Variants in PRSS3 observed in about 807,000 individuals in gnomAD.
PRSS3 encodes trypsin-3.
Under a neutral mutation model 20.8 loss-of-function variants are expected in PRSS3, and 14 were observed. That is an observed-to-expected ratio of 0.67 (90% CI 0.44 to 1.05). The LOEUF (loss-of-function observed/expected upper bound fraction) is 1.05, where lower values mean the gene tolerates loss of function less well. Among genes scored for constraint, PRSS3 ranks in the 50% least tolerant of loss-of-function variants. The pLI is 0.00. For synonymous variants in PRSS3, 91 were observed against 117.6 expected (o/e 0.77, Z 1.46); for missense variants, 237 against 306.4 (o/e 0.77, Z 1.69).
intron 4 of PRSS3, 107 bp downstream of exon 4, chr9:33,798,729 G>A (rs1825166546): frequency 2.0e-6 from 3 of 1,530,784 alleles, no homozygotes; most frequent in Non-Finnish European, 2.7e-6. Flanking sequence ...TCCCTGCAGT[G>A]CTCCCATGGA....
chr9:33,752,196 G>A (rs761105103), intron 1 of PRSS3, among the ~76,000 whole-genome samples: 9 of 152,094 alleles, frequency 5.9e-5, no homozygotes, highest in African/African-American at 9.7e-5. Context: ...AGTTCCTCCC[G>A]CACCCTTCTG....
intron 4 of PRSS3, 136 bp from the exon 5 acceptor site, chr9:33,798,892 C>G: frequency 8.0e-7 from 1 of 1,251,042 alleles, no homozygotes; most frequent in South Asian, 1.4e-5. Context: ...TTAGGAAGAA[C>G]AGAGAATGGG....
chr9:33,760,875 G>T (rs1823168582), intron 1 of PRSS3, among the ~76,000 whole-genome samples: 1 of 150,210 alleles, frequency 6.7e-6, no homozygotes, highest in South Asian at 2.1e-4. Context: ...GTTCTTGTTA[G>T]ATAGTGAGAA....
chr9:33,795,501 A>G, upstream of PRSS3: 1 of 1,595,988 alleles, frequency 6.3e-7, no homozygotes, highest in Admixed American at 1.7e-5. Context: ...CACCTCACAG[A>G]CACCTCCTCT....
chr9:33,789,045 T>TA (rs1342698513), intron 1 of PRSS3, among the ~76,000 whole-genome samples: 8 of 152,228 alleles, frequency 5.3e-5, no homozygotes, highest in African/African-American at 1.7e-4. Flanking sequence ...GAAAGCATCT[T>TA]ACTCCTTGTG....
chr9:33,791,948 A>G (rs537736985), upstream of PRSS3, among the ~76,000 whole-genome samples: 30 of 152,064 alleles, frequency 2.0e-4, no homozygotes, highest in South Asian at 5.8e-3. Context: ...GGCAGGCAAG[A>G]GGAGGGGCAG....
At chr9:33,766,004 A>C (rs1445516541) in intron 1 of PRSS3, among the ~76,000 whole-genome samples, 3 of 151,912 alleles carry the variant, frequency 2.0e-5, no homozygotes, top group Admixed American at 2.0e-4. Flanking sequence ...GTGGTGGCCC[A>C]CACCTGTAAT....
At chr9:33,765,993 C>T (rs573219160) in intron 1 of PRSS3, among the ~76,000 whole-genome samples, 3 of 152,260 alleles carry the variant, frequency 2.0e-5, no homozygotes, top group African/African-American at 4.8e-5. Context: ...AGTAGCCGGG[C>T]GTGGTGGCCC....
Position 33,797,877 on chromosome 9 carries a change from G to A in PRSS3, c.249G>A (p.Gly83=). The A allele has an allele frequency of 6.2e-7, 1 of 1,614,248 alleles. No homozygotes were observed. The highest frequency in any genetic ancestry group is 8.5e-7 in the Non-Finnish European group (1 of 1,180,050). ...LGEHNIKVLE[G]NEQFINAAKI... Reference sequence around the variant, plus strand: ...AGCACAACATCAAAGTCCTGGAGGGGAATGAGCAGTTCATCAATGCGGCCA... The same window carrying A: ...AGCACAACATCAAAGTCCTGGAGGGAAATGAGCAGTTCATCAATGCGGCCA... Residue 83 remains glycine, a synonymous_variant, in exon 3 of 5, where the codon GGG becomes GGA. Coordinates refer to ENST00000379405, the MANE Select transcript of PRSS3 (RefSeq NM_002771.4).
At chr9:33,753,662 C>T (rs1822797265) in intron 1 of PRSS3, among the ~76,000 whole-genome samples, 1 of 152,226 alleles carries the variant, frequency 6.6e-6, no homozygotes, top group African/African-American at 2.4e-5. Context: ...GGTTCCATGA[C>T]AAACAGAGCT....
intron 1 of PRSS3, among the ~76,000 whole-genome samples, chr9:33,759,328 GGAA>G (rs1823078634): frequency 1.3e-5 from 2 of 152,116 alleles, no homozygotes; most frequent in Admixed American, 1.3e-4. Context: ...GCTGCGGGGT[GGAA>G]GAAGAATTCA....
chr9:33,780,899 C>A (rs1457728274), intron 1 of PRSS3, among the ~76,000 whole-genome samples: 2 of 152,110 alleles, frequency 1.3e-5, no homozygotes, highest in Non-Finnish European at 2.9e-5. Flanking sequence ...TTCTTCTTGG[C>A]CTATGAAAAG....
At chr9:33,778,412 AC>A (rs1215743210) in intron 1 of PRSS3, among the ~76,000 whole-genome samples, 1 of 152,128 alleles carries the variant, frequency 6.6e-6, no homozygotes, top group Admixed American at 6.5e-5. Context: ...GATAAGGAAA[AC>A]CTTTTTCAGA....
At chr9:33,794,173 C>T (rs569449412), upstream of PRSS3, among the ~76,000 whole-genome samples, 12 of 152,146 alleles carry the variant, frequency 7.9e-5, no homozygotes, top group African/African-American at 1.4e-4. Context: ...TGGCCATGTC[C>T]GATCTCAACA....
At chr9:33,786,722 G>T in intron 1 of PRSS3, 1 of 766,212 alleles carries the variant, frequency 1.3e-6, no homozygotes. Context: ...GAGCAGATTT[G>T]TCATTGACAA....
At chr9:33,753,554 C>T (rs1488977270) in intron 1 of PRSS3, among the ~76,000 whole-genome samples, 1 of 152,196 alleles carries the variant, frequency 6.6e-6, no homozygotes, top group Admixed American at 6.5e-5. Flanking sequence ...AACATAACCT[C>T]CCTGAATCCC....
chr9:33,763,790 T>C (rs1347587438), intron 1 of PRSS3, among the ~76,000 whole-genome samples: 1 of 152,018 alleles, frequency 6.6e-6, no homozygotes, highest in Non-Finnish European at 1.5e-5. Context: ...GACGATTGGC[T>C]GCAACTGCCT....
At chr9:33,786,009 A>C (rs1279353878) in intron 1 of PRSS3, 2 of 230,372 alleles carry the variant, frequency 8.7e-6, no homozygotes, top group Non-Finnish European at 1.7e-5. Flanking sequence ...TGGCCGGTGC[A>C]TGCTGCAAGG....
chr9:33,782,292 T>G (rs571288599), intron 1 of PRSS3, among the ~76,000 whole-genome samples: 1 of 152,192 alleles, frequency 6.6e-6, no homozygotes, highest in Non-Finnish European at 1.5e-5. Flanking sequence ...GGCTTTAGAC[T>G]CTTGCTTACA....
Sources: gnomAD v4.1 joint callset for allele counts (sites outside exome capture counted in the v4.1 genomes callset) on GRCh38, gnomAD v4.1.1 for gene constraint, MANE v1.5 for transcripts, NCBI Gene and HGNC (gene_info 2026-07-23, HGNC 2026-07-21) for gene names.